Variants in EPM2A observed in about 807,000 individuals in gnomAD.
EPM2A encodes EPM2A glucan phosphatase, laforin, also known as laforin.
EPM2A carries 21 observed loss-of-function variants against 26.5 expected under a neutral mutation model. The observed-to-expected ratio is 0.79, with a 90% confidence interval of 0.56 to 1.14. EPM2A has a LOEUF of 1.14. Among genes scored for constraint, EPM2A ranks in the 50% most tolerant of loss-of-function variants. The pLI, the probability that EPM2A is intolerant of heterozygous loss-of-function variation, is 0.00. For missense variants in EPM2A, 458 were observed against 440.8 expected (o/e 1.04, Z -0.35); for synonymous variants, 217 against 177.6 (o/e 1.22, Z -1.76).
At chr6:145,406,423 A>G (rs1043823586) in intron 4 of EPM2A, among the ~76,000 whole-genome samples, 1 of 152,234 alleles carries the variant, frequency 6.6e-6, no homozygotes, top group African/African-American at 2.4e-5. Context: ...TTGAAACTGC[A>G]TCATCCATTG....
chr6:145,682,055 TA>T (rs892113262), intron 2 of EPM2A, among the ~76,000 whole-genome samples: 1 of 152,160 alleles, frequency 6.6e-6, no homozygotes, highest in Non-Finnish European at 1.5e-5. Context: ...ACTCTGCTAA[TA>T]AAGACATACC....
intron 2 of EPM2A, among the ~76,000 whole-genome samples, chr6:145,551,199 T>C (rs888072833): frequency 6.6e-6 from 1 of 152,064 alleles, no homozygotes; most frequent in Non-Finnish European, 1.5e-5. Flanking sequence ...AGAAAATGTT[T>C]TCCTAGGAAT....
At chr6:145,691,009 T>C (rs989438413) in intron 1 of EPM2A, among the ~76,000 whole-genome samples, 6 of 149,166 alleles carry the variant, frequency 4.0e-5, no homozygotes, top group South Asian at 2.1e-4. Context: ...TAGGGACTTG[T>C]GGTACTATTA....
At chr6:145,709,004 A>T (rs1782386253) in intron 1 of EPM2A, among the ~76,000 whole-genome samples, 1 of 152,186 alleles carries the variant, frequency 6.6e-6, no homozygotes, top group Admixed American at 6.5e-5. Flanking sequence ...TTCAGACTTC[A>T]TGGGGCCTGT....
At chr6:145,657,543 T>C (rs1404022023) in intron 2 of EPM2A, among the ~76,000 whole-genome samples, 2 of 152,242 alleles carry the variant, frequency 1.3e-5, no homozygotes, top group Non-Finnish European at 1.5e-5. Flanking sequence ...GACCTTAGTC[T>C]TCTTTCATTT....
At chr6:145,568,484 A>C (rs1031348425) in intron 2 of EPM2A, among the ~76,000 whole-genome samples, 4 of 151,856 alleles carry the variant, frequency 2.6e-5, no homozygotes, top group Non-Finnish European at 2.9e-5. Context: ...CACCACGCCC[A>C]GCTAATTTTT....
intron 2 of EPM2A, among the ~76,000 whole-genome samples, chr6:145,583,509 G>A (rs551357102): frequency 2.0e-5 from 3 of 152,228 alleles, no homozygotes; most frequent in Non-Finnish European, 2.9e-5. Flanking sequence ...CTGCCCCCTC[G>A]AGGTTAGAAA....
chr6:145,687,924 C>A (rs1169961621), intron 1 of EPM2A, among the ~76,000 whole-genome samples: 5 of 152,114 alleles, frequency 3.3e-5, no homozygotes, highest in Admixed American at 3.3e-4. Flanking sequence ...ACTACACTAG[C>A]AACCTCACTT....
At chr6:145,733,087 G>GT (rs1776584018) in intron 1 of EPM2A, among the ~76,000 whole-genome samples, 1 of 152,102 alleles carries the variant, frequency 6.6e-6, no homozygotes, top group Admixed American at 6.5e-5. Flanking sequence ...AGAAGGCACT[G>GT]TAACAATTAG....
At chr6:145,507,677 C>T (rs993516615) in intron 2 of EPM2A, among the ~76,000 whole-genome samples, 4 of 152,136 alleles carry the variant, frequency 2.6e-5, no homozygotes, top group Non-Finnish European at 5.9e-5. Context: ...TAATTTTGGG[C>T]CAGAGACTGG....
chr6:145,418,423 G>T (rs970666678), intron 4 of EPM2A, among the ~76,000 whole-genome samples: 13 of 152,310 alleles, frequency 8.5e-5, no homozygotes, highest in African/African-American at 3.1e-4. Flanking sequence ...CCTCAAGTGG[G>T]AGAGTGACAG....
chr6:145,430,059 G>A (rs558461516), intron 4 of EPM2A, among the ~76,000 whole-genome samples: 1 of 151,922 alleles, frequency 6.6e-6, no homozygotes. Flanking sequence ...CAGCATGGTG[G>A]TGGGCGCCTG....
downstream of EPM2A, among the ~76,000 whole-genome samples, chr6:145,620,446 T>C (rs987681373): frequency 4.6e-5 from 7 of 152,204 alleles, no homozygotes; most frequent in African/African-American, 1.7e-4. Flanking sequence ...TGTTAGGAAC[T>C]GAGCCACAGG....
At chr6:145,621,559 C>T (rs1775634094), downstream of EPM2A, among the ~76,000 whole-genome samples, 1 of 151,212 alleles carries the variant, frequency 6.6e-6, no homozygotes, top group Non-Finnish European at 1.5e-5. Context: ...CTCACCAAGA[C>T]TGTGCAAGGA....
chr6:145,709,388 G>A (rs1423656816), intron 1 of EPM2A, among the ~76,000 whole-genome samples: 2 of 152,138 alleles, frequency 1.3e-5, no homozygotes, highest in African/African-American at 4.8e-5. Context: ...AATCATGGGG[G>A]AGGGCTTCTC....
chr6:145,495,313 T>TTG (rs1193711138), intron 4 of EPM2A, among the ~76,000 whole-genome samples: 1 of 151,818 alleles, frequency 6.6e-6, no homozygotes, highest in African/African-American at 2.4e-5. Context: ...CACTGGGATT[T>TTG]TTTTTTTTTC....
intron 2 of EPM2A, among the ~76,000 whole-genome samples, chr6:145,650,334 T>A (rs1195699134): frequency 6.6e-6 from 1 of 152,124 alleles, no homozygotes; most frequent in African/African-American, 2.4e-5. Flanking sequence ...GCAGATCACC[T>A]GAGGTCAGGA....
chr6:145,431,842 T>C (rs1778925197), intron 4 of EPM2A, among the ~76,000 whole-genome samples: 1 of 152,230 alleles, frequency 6.6e-6, no homozygotes, highest in Admixed American at 6.5e-5. Context: ...TTACCCACAA[T>C]AGAACTTCTT....
chr6:145,410,256 G>A (rs555661292), intron 4 of EPM2A, among the ~76,000 whole-genome samples: 1 of 152,142 alleles, frequency 6.6e-6, no homozygotes, highest in Non-Finnish European at 1.5e-5. Flanking sequence ...TTGCAAATGT[G>A]GGGATAGAAG....
Sources: gnomAD v4.1 joint callset for allele counts (sites outside exome capture counted in the v4.1 genomes callset) on GRCh38, gnomAD v4.1.1 for gene constraint, MANE v1.5 for transcripts, NCBI Gene and HGNC (gene_info 2026-07-23, HGNC 2026-07-21) for gene names.